THSD7A: variants seen among roughly 807,000 people sequenced by gnomAD.
THSD7A encodes thrombospondin type-1 domain-containing protein 7A.
In THSD7A, 96 loss-of-function variants were observed where a neutral mutation model predicts 231.3. The observed-to-expected ratio is 0.41, with a 90% confidence interval of 0.35 to 0.49. THSD7A has a LOEUF of 0.49. Among genes scored for constraint, THSD7A ranks in the 20% least tolerant of loss-of-function variants. The pLI is 0.05. For missense variants in THSD7A, 2,290 were observed against 2,070.2 expected, an observed-to-expected ratio of 1.11 and a Z score of -2.06; for synonymous variants, 940 against 743.3, an observed-to-expected ratio of 1.26 and a Z score of -4.30.
chr7:11,561,820 C>T (rs1021560013), intron 4 of THSD7A, among the ~76,000 whole-genome samples: 8 of 152,004 alleles, frequency 5.3e-5, no homozygotes, highest in Middle Eastern at 3.2e-3. Context: ...CACTGCATTC[C>T]AGCTTGGGCA....
At chr7:11,599,088 T>A (rs925049673) in intron 2 of THSD7A, among the ~76,000 whole-genome samples, 2 of 152,054 alleles carry the variant, frequency 1.3e-5, no homozygotes, top group African/African-American at 4.8e-5. Context: ...TCCCTTAGTA[T>A]TGTCACGCCC....
intron 2 of THSD7A, among the ~76,000 whole-genome samples, chr7:11,596,028 A>G (rs1307852912): frequency 6.6e-6 from 1 of 152,242 alleles, no homozygotes; most frequent in African/African-American, 2.4e-5. Flanking sequence ...GGTCAAATGG[A>G]CAAAAGACAT....
intron 3 of THSD7A, among the ~76,000 whole-genome samples, chr7:11,591,498 C>G (rs1156233191): frequency 6.6e-6 from 1 of 152,080 alleles, no homozygotes; most frequent in East Asian, 1.9e-4. Context: ...ATCAGATGAA[C>G]AGCCAACATA....
chr7:11,719,875 C>T (rs897138591), intron 1 of THSD7A, among the ~76,000 whole-genome samples: 4 of 151,678 alleles, frequency 2.6e-5, no homozygotes, highest in East Asian at 2.0e-4. Flanking sequence ...ATAATAGTTG[C>T]TCAATAAATA....
At chr7:11,623,907 A>G (rs554699248) in intron 2 of THSD7A, among the ~76,000 whole-genome samples, 8 of 152,164 alleles carry the variant, frequency 5.3e-5, no homozygotes, top group Non-Finnish European at 1.2e-4. Flanking sequence ...TCCAAATAAA[A>G]TGACCAATTA....
chr7:11,797,576 C>T (rs530923407), intron 1 of THSD7A, among the ~76,000 whole-genome samples: 156 of 152,100 alleles, frequency 1.0e-3, no homozygotes, highest in Middle Eastern at 3.4e-3. Flanking sequence ...ATCACCATGT[C>T]TGACTAATTT....
chr7:11,707,142 G>C (rs549369211), intron 1 of THSD7A, among the ~76,000 whole-genome samples: 1 of 150,684 alleles, frequency 6.6e-6, no homozygotes, highest in Non-Finnish European at 1.5e-5. Flanking sequence ...CTCTCCCTGA[G>C]TGCAAAGCAA....
intron 13 of THSD7A, 123 bp from the exon 14 acceptor site, chr7:11,429,248 G>A: frequency 1.1e-6 from 1 of 890,736 alleles, no homozygotes; most frequent in Non-Finnish European, 1.6e-6. Context: ...AAATGCAGAG[G>A]TGTCTCTGTT....
At chr7:11,652,832 G>T (rs190696829) in intron 1 of THSD7A, among the ~76,000 whole-genome samples, 1 of 152,018 alleles carries the variant, frequency 6.6e-6, no homozygotes, top group Admixed American at 6.6e-5. Context: ...TTAGAACTTA[G>T]ATTGATTATT....
At chr7:11,576,431 CA>C (rs1790908156) in intron 4 of THSD7A, among the ~76,000 whole-genome samples, 1 of 151,762 alleles carries the variant, frequency 6.6e-6, no homozygotes, top group African/African-American at 2.4e-5. Flanking sequence ...TTACAGAAGA[CA>C]ATCATTGCCC....
chr7:11,760,763 ATAAT>A (rs1421599554), intron 1 of THSD7A, among the ~76,000 whole-genome samples: 1 of 152,018 alleles, frequency 6.6e-6, no homozygotes, highest in African/African-American at 2.4e-5. Context: ...TATAATCAAA[ATAAT>A]TACTTTTAAC....
intron 11 of THSD7A, among the ~76,000 whole-genome samples, chr7:11,455,169 G>A (rs576025080): frequency 5.6e-4 from 85 of 152,082 alleles, no homozygotes; most frequent in Non-Finnish European, 1.1e-3. Flanking sequence ...AGCACAGTGA[G>A]AAGATGACTG....
intron 11 of THSD7A, among the ~76,000 whole-genome samples, chr7:11,449,817 G>C (rs1252844222): frequency 6.6e-6 from 1 of 151,772 alleles, no homozygotes; most frequent in East Asian, 1.9e-4. Flanking sequence ...GTTGCCCCAA[G>C]GATGCTAAAA....
chr7:11,488,189 G>C (rs981993068), intron 6 of THSD7A, among the ~76,000 whole-genome samples: 1 of 152,062 alleles, frequency 6.6e-6, no homozygotes, highest in African/African-American at 2.4e-5. Flanking sequence ...GAGTAACTCC[G>C]ATAATTATTA....
intron 1 of THSD7A, among the ~76,000 whole-genome samples, chr7:11,714,410 T>C (rs1568973): frequency 0.63 from 94,399 of 150,982 alleles, 29,848 homozygotes; most frequent in African/African-American, 0.71. Context: ...AATTAATCTT[T>C]ACCTTAACCC....
rs150432747 is a variant in THSD7A, at chr7:11,621,157, C to T, written c.1022+14973G>A. Among the ~76,000 whole-genome samples, 208 of 152,272 alleles carry T rather than the reference C, an allele frequency of 1.4e-3. 1 individual carries two copies. The highest frequency in any genetic ancestry group is 2.6e-3 in the Admixed American group (39 of 15,292). Reference sequence around the variant, plus strand: ...AGTTTCAGAAATCAAATTTGCAAGTCTAAAATTAAGATGACACAGCAGAGA... The same window carrying T: ...AGTTTCAGAAATCAAATTTGCAAGTTTAAAATTAAGATGACACAGCAGAGA... On this transcript the variant is annotated intron_variant, in intron 2 of 27. Transcript: ENST00000423059.
intron 2 of THSD7A, among the ~76,000 whole-genome samples, chr7:11,606,460 C>G (rs1357427356): frequency 6.6e-6 from 1 of 152,048 alleles, no homozygotes; most frequent in African/African-American, 2.4e-5. Flanking sequence ...CTTTATGAGG[C>G]TTATTGTACT....
chr7:11,475,022 T>C, intron 7 of THSD7A, among the ~76,000 whole-genome samples: 1 of 151,906 alleles, frequency 6.6e-6, no homozygotes, highest in Non-Finnish European at 1.5e-5. Context: ...AGTATCTAAG[T>C]AGAAAAATAA....
intron 6 of THSD7A, among the ~76,000 whole-genome samples, chr7:11,528,568 T>C (rs1363838758): frequency 3.3e-5 from 5 of 152,198 alleles, no homozygotes; most frequent in African/African-American, 1.2e-4. Flanking sequence ...TGTATATTAA[T>C]CTTCTATAAT....
Sources: gnomAD v4.1 joint callset for allele counts (sites outside exome capture counted in the v4.1 genomes callset) on GRCh38, gnomAD v4.1.1 for gene constraint, MANE v1.5 for transcripts, NCBI Gene and HGNC (gene_info 2026-07-23, HGNC 2026-07-21) for gene names.